Variants in BDKRB2 observed in about 807,000 individuals in gnomAD.
BDKRB2 encodes B2 bradykinin receptor.
BDKRB2 carries 6 observed loss-of-function variants against 4.0 expected under a neutral mutation model. That is an observed-to-expected ratio of 1.49 (90% CI 0.81 to 2.93). The LOEUF is 2.93. BDKRB2 is among the 30% of genes most tolerant of loss of function. The pLI is 0.00. For missense variants in BDKRB2, 478 were observed against 520.1 expected (o/e 0.92, Z 0.79); for synonymous variants, 225 against 215.3 (o/e 1.05, Z -0.40).
intron 1 of BDKRB2, among the ~76,000 whole-genome samples, chr14:96,212,912 C>T (rs1313594638): frequency 1.3e-5 from 2 of 151,988 alleles, no homozygotes; most frequent in South Asian, 2.1e-4. Context: ...TCTACCATCT[C>T]TGCTTCATAT....
At chr14:96,232,200 A>G (rs1890833423) in intron 1 of BDKRB2, among the ~76,000 whole-genome samples, 1 of 152,240 alleles carries the variant, frequency 6.6e-6, no homozygotes, top group Non-Finnish European at 1.5e-5. Context: ...CATCTGACAC[A>G]CACGGACTCG....
intron 2 of BDKRB2, chr14:96,239,311 AC>A (rs1005877973): frequency 1.0e-6 from 1 of 974,530 alleles, no homozygotes; most frequent in Non-Finnish European, 1.2e-6. Context: ...TGAGAGCAAT[AC>A]CCTACTCCAA....
At chr14:96,230,634 T>C (rs1447096752) in intron 1 of BDKRB2, among the ~76,000 whole-genome samples, 2 of 144,988 alleles carry the variant, frequency 1.4e-5, no homozygotes, top group African/African-American at 5.0e-5. Flanking sequence ...TTTTTTTTTT[T>C]TGAGATGGAG....
rs924868565 is a variant in BDKRB2 at position 96,237,138 on chromosome 14, C to G, written c.31C>G (p.Leu11Val). 2.5e-6 allele frequency: 4 copies of G among 1,614,052 alleles called. No homozygotes were observed. The African/African-American group carries it at 5.3e-5, about 22-fold the overall frequency. Reference protein sequence around the residue: MFSPWKISMFLSVREDSVPTT... With the variant: MFSPWKISMFVSVREDSVPTT... ...CTCTCCCTGGAAGATATCAATGTTT[C>G]TGTCTGTTCGTGAGGACTCCGTGCC... The change falls in exon 2 of 3, where the codon CTG becomes GTG. Residue 11 changes from leucine (L) to valine (V), a missense_variant. Physicochemically the swap from Leu to Val is conservative, Grantham distance 32 (BLOSUM62 1). Coordinates refer to ENST00000554311, the MANE Select transcript of BDKRB2 (RefSeq NM_001379692.1).
intron 1 of BDKRB2, among the ~76,000 whole-genome samples, chr14:96,205,439 C>T (rs998879445): frequency 6.7e-6 from 1 of 148,668 alleles, no homozygotes; most frequent in Non-Finnish European, 1.5e-5. Flanking sequence ...GCAAAGCAGC[C>T]AGCTCGCTGG....
intron 1 of BDKRB2, among the ~76,000 whole-genome samples, chr14:96,213,476 C>G (rs1208930614): frequency 6.8e-6 from 1 of 147,800 alleles, no homozygotes; most frequent in African/African-American, 2.5e-5. Context: ...CTTCCTGGGC[C>G]TCTGTCTGGA....
chr14:96,207,603 G>A (rs1890217820), intron 1 of BDKRB2, among the ~76,000 whole-genome samples: 1 of 152,046 alleles, frequency 6.6e-6, no homozygotes, highest in Non-Finnish European at 1.5e-5. Flanking sequence ...GAAAACTATG[G>A]ACTTTGGGTG....
Position 96,204,883 on chromosome 14 carries a change from G to A in BDKRB2, c.-116G>A, listed in dbSNP as rs1283019858. On this transcript the variant is annotated 5_prime_UTR_variant, in exon 1 of 3. Transcript: ENST00000554311. Reference sequence around the variant, plus strand: ...GGCTCCGAGGAGGGGTGGGGACGGTGGGGACGGTGGGGACATCAGGCTGCC... The same window carrying A: ...GGCTCCGAGGAGGGGTGGGGACGGTAGGGACGGTGGGGACATCAGGCTGCC... 1 of 351,060 alleles carries A rather than the reference G, an allele frequency of 2.8e-6. No individual in the cohort carries two copies. Among genetic ancestry groups the A allele is most frequent in the Non-Finnish European group, 5.7e-6 (1 of 176,874 alleles). 21.7% of individuals were successfully genotyped at this position (351,060 alleles called of 1,614,324 possible). A position where few individuals can be genotyped will look rare whatever the true frequency, so the allele number is the denominator to read the frequency against.
intron 1 of BDKRB2, among the ~76,000 whole-genome samples, chr14:96,209,024 T>G (rs1041397695): frequency 6.6e-6 from 1 of 152,138 alleles, no homozygotes; most frequent in Non-Finnish European, 1.5e-5. Context: ...TGAGGTCGCT[T>G]CTCCTCTTCC....
At chr14:96,235,237 A>G (rs1890903774) in intron 1 of BDKRB2, among the ~76,000 whole-genome samples, 1 of 150,782 alleles carries the variant, frequency 6.6e-6, no homozygotes, top group Non-Finnish European at 1.5e-5. Flanking sequence ...GATCCCAGCT[A>G]CTCAGGAGGC....
chr14:96,241,066 G>T lies in BDKRB2; in HGVS notation c.738G>T (p.Gln246His). ...GTGTCATCACCTTCTGCACGATGCAGATCATGCAGGTGCTGCGGAACAACG... is the reference window on the plus strand; with the variant it reads ...GTGTCATCACCTTCTGCACGATGCATATCATGCAGGTGCTGCGGAACAACG... ...PLSVITFCTM[Q>H]IMQVLRNNEM... Residue 246 changes from glutamine (Q) to histidine (H), a missense_variant, in exon 3 of 3, where the codon CAG becomes CAT. Transcript: ENST00000554311. 6.2e-7 allele frequency: 1 copy of T among 1,614,034 alleles called. No individual in the cohort carries two copies. Among genetic ancestry groups the T allele is most frequent in the Non-Finnish European group, 8.5e-7 (1 of 1,179,918 alleles).
At chr14:96,221,396 T>C (rs1440839687) in intron 1 of BDKRB2, among the ~76,000 whole-genome samples, 1 of 152,150 alleles carries the variant, frequency 6.6e-6, no homozygotes, top group Non-Finnish European at 1.5e-5. Context: ...ATGCTATTCA[T>C]GGTGGGTGTC....
chr14:96,234,456 C>T (rs372570180), intron 1 of BDKRB2, among the ~76,000 whole-genome samples: 8 of 152,114 alleles, frequency 5.3e-5, no homozygotes, highest in African/African-American at 1.4e-4. Context: ...AAAGAGAAGC[C>T]GGAAGGCAAA....
chr14:96,240,901 C>T lies in BDKRB2; in HGVS notation c.573C>T (p.Pro191=). ...IWGCTLLLSS[P]MLVFRTMKEY... is the part of the protein sequence containing the mutation. Reference sequence around the variant, plus strand: ...GGTGTACGCTGCTCCTGAGCTCACCCATGCTGGTGTTCCGGACCATGAAGG... The same window carrying T: ...GGTGTACGCTGCTCCTGAGCTCACCTATGCTGGTGTTCCGGACCATGAAGG... The change falls in exon 3 of 3, where the codon CCC becomes CCT. Residue 191 remains proline, a synonymous_variant. Transcript: ENST00000554311. 3 of 1,597,476 alleles carry T rather than the reference C, an allele frequency of 1.9e-6. No homozygotes were observed. Among genetic ancestry groups the T allele is most frequent in the Non-Finnish European group, 2.6e-6 (3 of 1,172,048 alleles).
rs779615309 is a variant in BDKRB2 at position 96,237,794 on chromosome 14, G to A, written c.74+613G>A. The A allele has an allele frequency of 2.2e-4, 280 of 1,289,756 alleles. 2 individuals are homozygous for A. Among genetic ancestry groups the A allele is most frequent in the Admixed American group, 5.1e-4 (22 of 43,562 alleles). The allele number at this position is 1,289,756 out of a possible 1,614,324, so 79.9% of individuals were successfully genotyped here. A position where few individuals can be genotyped will look rare whatever the true frequency, so the allele number is the denominator to read the frequency against. ...CACTGGACCTATAGTTTCCAATTCC[G>A]CACTCAGCAGGCATCTTTCTGATGA... On this transcript the variant is annotated intron_variant, in intron 2 of 2. Transcript: ENST00000554311.
intron 1 of BDKRB2, among the ~76,000 whole-genome samples, chr14:96,234,570 C>A (rs1289488659): frequency 2.6e-5 from 4 of 152,218 alleles, no homozygotes; most frequent in Non-Finnish European, 5.9e-5. Flanking sequence ...GGATCCTCAC[C>A]CAGGGCACGC....
At chr14:96,220,485 G>A (rs1890532626) in intron 1 of BDKRB2, among the ~76,000 whole-genome samples, 1 of 152,070 alleles carries the variant, frequency 6.6e-6, no homozygotes, top group Admixed American at 6.5e-5. Flanking sequence ...TGGGAGAAGT[G>A]GAGGCTTGGG....
chr14:96,240,505 C>T lies in BDKRB2; in HGVS notation c.177C>T (p.Ile59=), dbSNP rs1331787044. The T allele has an allele frequency of 3.2e-6, 5 of 1,571,854 alleles. No homozygotes were observed. In the African/African-American group the frequency reaches 4.1e-5, roughly 13 times the overall value. Residue 59 remains isoleucine, a synonymous_variant, in exon 3 of 3, where the codon ATC becomes ATT. Transcript: ENST00000554311. ...AGTGGCTGGGCTGGCTCAACACCAT[C>T]CAGCCCCCCTTCCTCTGGGTGCTGT... ...QVEWLGWLNT[I]QPPFLWVLFV... is the part of the protein sequence containing the mutation.
intron 1 of BDKRB2, among the ~76,000 whole-genome samples, chr14:96,230,929 A>ATT (rs199930197): frequency 6.6e-5 from 10 of 150,560 alleles, no homozygotes; most frequent in East Asian, 5.9e-4. Context: ...TTATTTATTT[A>ATT]TTTATTTTTT....
Sources: allele counts gnomAD v4.1 joint callset (sites outside exome capture counted in the v4.1 genomes callset), GRCh38; gene constraint gnomAD v4.1.1; transcripts MANE v1.5; gene names NCBI Gene and HGNC (gene_info 2026-07-23, HGNC 2026-07-21).